The following ARHGEF10 variants were observed in gnomAD, a reference collection of about 807,000 sequenced individuals.
The protein encoded by ARHGEF10 is Rho guanine nucleotide exchange factor 10, also known as Rho guanine nucleotide exchange factor (GEF) 10.
ARHGEF10 carries 140 observed loss-of-function variants against 147.4 expected under a neutral mutation model. The observed-to-expected ratio is 0.95, with a 90% CI of 0.83 to 1.09. The LOEUF (loss-of-function observed/expected upper bound fraction) is 1.09, where lower values mean the gene tolerates loss of function less well. Ranked by LOEUF, ARHGEF10 falls within the 50% of genes least tolerant of loss-of-function variation. The pLI is 0.00. For synonymous variants in ARHGEF10, 902 were observed against 695.8 expected, an observed-to-expected ratio of 1.30 and a Z score of -4.67; for missense variants, 2,222 against 1,752.7, an observed-to-expected ratio of 1.27 and a Z score of -4.78.
chr8:1,829,536 AC>A (rs1286236071), intron 1 of ARHGEF10, among the ~76,000 whole-genome samples: 5 of 152,218 alleles, frequency 3.3e-5, no homozygotes, highest in African/African-American at 1.2e-4. Flanking sequence ...GAAGCAGCCC[AC>A]ACGAGAGGCC....
At chr8:1,905,087 C>A (rs190992984) in intron 16 of ARHGEF10, among the ~76,000 whole-genome samples, 484 of 152,270 alleles carry the variant, frequency 3.2e-3, no homozygotes, top group African/African-American at 0.01. Flanking sequence ...TGAGATTGTG[C>A]GGCTGCACTC....
chr8:1,900,499 A>G (rs1191710733), intron 15 of ARHGEF10, among the ~76,000 whole-genome samples: 1 of 152,134 alleles, frequency 6.6e-6, no homozygotes, highest in African/African-American at 2.4e-5. Context: ...AATCTAGTAC[A>G]CTGTCCACAC....
At chr8:1,889,925 G>A (rs190266507) in intron 11 of ARHGEF10, among the ~76,000 whole-genome samples, 1 of 138,080 alleles carries the variant, frequency 7.2e-6, no homozygotes, top group South Asian at 2.4e-4. Context: ...GAGGCAGTGA[G>A]TGGGGCGAGG....
chr8:1,956,952 T>A lies in ARHGEF10; in HGVS notation c.3724T>A (p.Trp1242Arg). 6 of 1,614,190 alleles carry A rather than the reference T, an allele frequency of 3.7e-6. No homozygotes were observed. The highest frequency in any genetic ancestry group is 4.2e-6 in the Non-Finnish European group (5 of 1,180,024). Residue 1242 changes from tryptophan to arginine, a missense_variant, in exon 29 of 29, where the codon TGG becomes AGG. Trp to Arg is a moderately radical substitution (Grantham distance 101). Transcript: ENST00000349830. ...LSQGDPDAAIWLGDSLGSMTQ... is the reference protein window; with the variant it reads ...LSQGDPDAAIRLGDSLGSMTQ... ...CCAGGGTGACCCTGACGCAGCCATC[T>A]GGTTGGGAGATTCGCTGGGATCGAT...
intron 7 of ARHGEF10, chr8:1,869,529 A>G (rs13273741): frequency 0.27 from 154,469 of 571,218 alleles, 22,616 homozygotes; most frequent in East Asian, 0.52. Flanking sequence ...TAGGAAACAC[A>G]GAGGCTGAGA....
intron 11 of ARHGEF10, among the ~76,000 whole-genome samples, chr8:1,887,353 G>A (rs1294741674): frequency 2.6e-5 from 4 of 152,260 alleles, no homozygotes; most frequent in African/African-American, 4.8e-5. Context: ...CCAAGACAGC[G>A]GCCTGAGCTG....
At chr8:1,951,956 G>A (rs1815091917) in intron 27 of ARHGEF10, among the ~76,000 whole-genome samples, 1 of 152,282 alleles carries the variant, frequency 6.6e-6, no homozygotes, top group South Asian at 2.1e-4. Context: ...ACCGCCGTGA[G>A]GCGGGGTCTT....
At chr8:1,902,622 A>C (rs1585469160) in intron 15 of ARHGEF10, among the ~76,000 whole-genome samples, 1 of 146,370 alleles carries the variant, frequency 6.8e-6, no homozygotes, top group South Asian at 2.3e-4. Flanking sequence ...CCACATCTCC[A>C]CCAGAGTGCA....
chr8:1,907,494 C>G (rs1231849276), intron 17 of ARHGEF10, among the ~76,000 whole-genome samples: 1 of 152,182 alleles, frequency 6.6e-6, no homozygotes, highest in African/African-American at 2.4e-5. Context: ...GTCTTTTCCG[C>G]ATTCATCACT....
rs1296849551 is a variant in ARHGEF10, at chr8:1,948,762, A to G, written c.3397+3107A>G. Among the ~76,000 whole-genome samples the G allele has an allele frequency of 1.3e-5, 2 of 152,146 alleles. No homozygotes were observed. Among genetic ancestry groups the G allele is most frequent in the African/African-American group, 4.8e-5 (2 of 41,418 alleles). ...TCTAGTCGTCTTTGCCTTTCAGCTA[A>G]TATTTCATATATTTCATAGAAATAA... On this transcript the variant is annotated intron_variant, in intron 27 of 28. Coordinates refer to ENST00000349830, the MANE Select transcript of ARHGEF10 (RefSeq NM_014629.4). The surrounding 1 kb of genome is among the most constrained non-coding windows in gnomAD (Gnocchi z 4.9).
At chr8:1,880,296 A>G in intron 9 of ARHGEF10, 132 bp downstream of exon 9, 1 of 702,144 alleles carries the variant, frequency 1.4e-6, no homozygotes. Flanking sequence ...GAATCCCCCG[A>G]CGCTTTGGGG....
chr8:1,862,866 C>T (rs1460623851), intron 4 of ARHGEF10, among the ~76,000 whole-genome samples: 50 of 150,548 alleles, frequency 3.3e-4, no homozygotes, highest in Non-Finnish European at 5.3e-4. Flanking sequence ...GCAAGCTCCG[C>T]CTCCCGGGTT....
rs1445174141 is a variant in ARHGEF10 at position 1,957,268 on chromosome 8, G to T, written c.*5G>T. ...ATCCCTCTGCTGAATATATAAGCAG[G>T]ACGGCCGCCTTCTGCTGTCAGAATT... is the stretch of plus-strand genomic sequence containing the variant. On this transcript the variant is annotated 3_prime_UTR_variant, in exon 29 of 29. Transcript: ENST00000349830. 1 of 1,607,274 alleles carries T rather than the reference G, an allele frequency of 6.2e-7. No individual in the cohort carries two copies. The highest frequency in any genetic ancestry group is 8.5e-7 in the Non-Finnish European group (1 of 1,178,756).
At chr8:1,925,776 T>C (rs1331826160) in intron 22 of ARHGEF10, among the ~76,000 whole-genome samples, 1 of 152,230 alleles carries the variant, frequency 6.6e-6, no homozygotes, top group Admixed American at 6.5e-5. Context: ...TCCTGTCTGC[T>C]TGAGGTACCG....
intron 18 of ARHGEF10, among the ~76,000 whole-genome samples, chr8:1,915,128 C>G (rs956873115): frequency 2.6e-5 from 4 of 152,256 alleles, no homozygotes; most frequent in Admixed American, 2.0e-4. Flanking sequence ...TCCCTTCGTA[C>G]AGACAACATC....
At chr8:1,874,721 G>A (rs1000485597) in intron 7 of ARHGEF10, among the ~76,000 whole-genome samples, 2 of 150,570 alleles carry the variant, frequency 1.3e-5, no homozygotes, top group Admixed American at 6.6e-5. Context: ...ACACACCGGG[G>A]TGTGTAAGCA....
chr8:1,918,460 C>CTG (rs60519090), intron 18 of ARHGEF10, among the ~76,000 whole-genome samples: 17,429 of 140,792 alleles, frequency 0.12, 1,093 homozygotes, highest in Middle Eastern at 0.16. Flanking sequence ...CATTTGATGG[C>CTG]TGTGTGTGTG....
At chr8:1,911,023 T>C (rs906809642) in intron 18 of ARHGEF10, among the ~76,000 whole-genome samples, 2 of 152,222 alleles carry the variant, frequency 1.3e-5, no homozygotes, top group Non-Finnish European at 2.9e-5. Context: ...TTTAAAATAC[T>C]ATGTGGAGGA....
chr8:1,923,912 G>A, intron 21 of ARHGEF10, 38 bp downstream of exon 21: 1 of 1,588,812 alleles, frequency 6.3e-7, no homozygotes, highest in Non-Finnish European at 8.6e-7. Context: ...GAGGCATGCG[G>A]CGTGATGATG....
Sources: gnomAD v4.1 joint callset for allele counts (sites outside exome capture counted in the v4.1 genomes callset) on GRCh38, gnomAD v4.1.1 for gene constraint, Gnocchi (gnomAD v3.1) non-coding constraint, MANE v1.5 for transcripts, NCBI Gene and HGNC (gene_info 2026-07-23, HGNC 2026-07-21) for gene names.